The following PILRA variants were observed in gnomAD, a reference collection of about 807,000 sequenced individuals.
PILRA encodes paired immunoglobulin-like type 2 receptor alpha.
A neutral mutation model predicts 33.1 loss-of-function variants in PILRA; 37 were observed. The observed-to-expected ratio is 1.12, with a 90% confidence interval of 0.86 to 1.47. PILRA has a LOEUF of 1.47. Among genes scored for constraint, PILRA ranks in the 40% most tolerant of loss-of-function variants. PILRA has a pLI of 0.00. For missense variants in PILRA, 312 were observed against 376.2 expected (o/e 0.83, Z 1.41); for synonymous variants, 146 against 149.9 (o/e 0.97, Z 0.19).
rs757278876 is a variant in PILRA, at chr7:100,373,673, T to C, written c.17T>C (p.Leu6Pro). 6.2e-7 allele frequency: 1 copy of C among 1,613,416 alleles called. No homozygotes were observed. Among genetic ancestry groups the C allele is most frequent in the Admixed American group, 1.7e-5 (1 of 60,014 alleles). MGRPL[L>P]LPLLPLLLPP... ...AACAAGGCCATGGGTCGGCCCCTGC[T>C]GCTGCCCCTACTGCCCTTGCTGCTG... Residue 6 changes from leucine (L) to proline (P), a missense_variant, in exon 1 of 7, where the codon CTG becomes CCG. Coordinates refer to ENST00000198536, the MANE Select transcript of PILRA (RefSeq NM_013439.3).
chr7:100,397,774 C>G, intron 3 of PILRA, 105 bp from the exon 4 acceptor site: 1 of 1,216,370 alleles, frequency 8.2e-7, no homozygotes, highest in African/African-American at 1.5e-5. Context: ...CTCTGCTGCT[C>G]CGGTCCCTCT....
At chr7:100,372,528 A>G (rs1790842774), upstream of PILRA, among the ~76,000 whole-genome samples, 1 of 152,088 alleles carries the variant, frequency 6.6e-6, no homozygotes, top group African/African-American at 2.4e-5. Context: ...TGCACCACCA[A>G]AGCTCCCTGC....
intron 1 of PILRA, 54 bp from the exon 2 acceptor site, chr7:100,373,990 G>T (rs1328488336): frequency 5.7e-6 from 9 of 1,584,950 alleles, no homozygotes; most frequent in Admixed American, 5.2e-5. Context: ...CACCCTCTTT[G>T]TGTCTTGAGG....
At chr7:100,397,657 G>C (rs1191702412) in intron 3 of PILRA, among the ~76,000 whole-genome samples, 1 of 152,160 alleles carries the variant, frequency 6.6e-6, no homozygotes, top group East Asian at 1.9e-4. Context: ...GGGGGTCAGG[G>C]TGAAGGGGTC....
At chr7:100,372,347 A>C (rs1461245434), upstream of PILRA, among the ~76,000 whole-genome samples, 1 of 152,094 alleles carries the variant, frequency 6.6e-6, no homozygotes, top group Non-Finnish European at 1.5e-5. Context: ...AGAGGAGCCT[A>C]CTAGGACCAG....
chr7:100,383,434 G>A (rs111904024), intron 2 of PILRA, among the ~76,000 whole-genome samples: 2,663 of 152,258 alleles, frequency 0.017, 39 homozygotes, highest in Non-Finnish European at 0.028. Context: ...TTGGTAGAAC[G>A]TAATGGGGAG....
chr7:100,380,118 ACCAGAGGG>A (rs1791054690), intron 2 of PILRA, among the ~76,000 whole-genome samples: 1 of 152,110 alleles, frequency 6.6e-6, no homozygotes, highest in African/African-American at 2.4e-5. Flanking sequence ...GAATAGATGA[ACCAGAGGG>A]CCTCTGGGGG....
chr7:100,385,663 C>G (rs1791236520), intron 2 of PILRA, among the ~76,000 whole-genome samples: 1 of 151,908 alleles, frequency 6.6e-6, no homozygotes, highest in Non-Finnish European at 1.5e-5. Context: ...GAGTTTTGCT[C>G]TTGTTGCCCA....
chr7:100,391,510 A>C (rs1467137335), intron 3 of PILRA, among the ~76,000 whole-genome samples: 3 of 152,016 alleles, frequency 2.0e-5, no homozygotes, highest in Non-Finnish European at 4.4e-5. Flanking sequence ...AACTTTGCAA[A>C]ACCCCGTATC....
At chr7:100,395,428 T>C (rs1791474151) in intron 3 of PILRA, among the ~76,000 whole-genome samples, 1 of 152,206 alleles carries the variant, frequency 6.6e-6, no homozygotes, top group African/African-American at 2.4e-5. Flanking sequence ...GGCACCTTGA[T>C]CTTGGATTTC....
At chr7:100,385,711 C>A (rs979708109) in intron 2 of PILRA, among the ~76,000 whole-genome samples, 12 of 152,148 alleles carry the variant, frequency 7.9e-5, no homozygotes, top group Non-Finnish European at 1.6e-4. Flanking sequence ...CTCACTGCAA[C>A]CTCTGCCTCC....
intron 2 of PILRA, among the ~76,000 whole-genome samples, chr7:100,377,890 TG>T (rs1790991764): frequency 6.6e-6 from 1 of 152,252 alleles, no homozygotes; most frequent in Non-Finnish European, 1.5e-5. Flanking sequence ...ACATTAGGCC[TG>T]GTTTTAAAAT....
Position 100,399,847 on chromosome 7 carries a change from C to T in PILRA, c.852C>T (p.Pro284=). ...GCTCCACCTCACCCAGAGCACCTCC[C>T]AGCCACCGTCCCCTCAAGAGCCCCC... The part of the protein sequence containing the change: ...LSSSTSPRAP[P]SHRPLKSPQN... The change falls in exon 7 of 7, where the codon CCC becomes CCT. Residue 284 remains proline (P), a synonymous_variant. Coordinates refer to ENST00000198536, the MANE Select transcript of PILRA (RefSeq NM_013439.3). 2 of 1,613,754 alleles carry T rather than the reference C, an allele frequency of 1.2e-6. No individual in the cohort carries two copies. Among genetic ancestry groups the T allele is most frequent in the African/African-American group, 1.3e-5 (1 of 75,014 alleles).
chr7:100,378,437 G>GAAAAAC (rs1447040612), intron 2 of PILRA, among the ~76,000 whole-genome samples: 3 of 152,028 alleles, frequency 2.0e-5, no homozygotes, highest in Non-Finnish European at 2.9e-5. Context: ...TCCAGTTTAG[G>GAAAAAC]AAAAACAAAA....
chr7:100,396,034 G>A lies in PILRA; in HGVS notation c.674-1845G>A, dbSNP rs187924388. On this transcript the variant is annotated intron_variant, in intron 3 of 6. Coordinates refer to ENST00000198536, the MANE Select transcript of PILRA (RefSeq NM_013439.3). ...AGCTACTCAGGAGGCTGAGGCAGGAGAATCACTTGAACCCGGGAGGCAGAG... is the reference window on the plus strand; with the variant it reads ...AGCTACTCAGGAGGCTGAGGCAGGAAAATCACTTGAACCCGGGAGGCAGAG... 5.1e-4 allele frequency among the ~76,000 whole-genome samples: 77 copies of A among 152,260 alleles called. 3 individuals carry two copies. In the East Asian group the frequency reaches 0.015, roughly 29 times the overall value.
At chr7:100,380,608 C>G (rs993279800) in intron 2 of PILRA, among the ~76,000 whole-genome samples, 4 of 152,070 alleles carry the variant, frequency 2.6e-5, no homozygotes, top group African/African-American at 7.2e-5. Context: ...CCAGCCTGGG[C>G]AACATAGCAA....
At position 100,383,813 on chromosome 7, in the gene PILRA, T is replaced by G. The variant is rs1791182096; in HGVS notation, c.455-6075T>G. ...CACCACACCCGGCTAATTTTTATGT[T>G]TTTAGTAGAGACAGGGTTTCACCAT... On this transcript the variant is annotated intron_variant, in intron 2 of 6. Coordinates refer to ENST00000198536, the MANE Select transcript of PILRA (RefSeq NM_013439.3). Among the ~76,000 whole-genome samples the G allele has an allele frequency of 2.6e-5, 4 of 151,962 alleles. No homozygotes were observed. In the South Asian group the frequency reaches 8.3e-4, roughly 32 times the overall value.
Position 100,373,630 on chromosome 7 carries a change from C to G in PILRA, c.-27C>G. Reference sequence around the variant, plus strand: ...CCTGCCTGGACGGCTCTGCTGGTCTCCCCGTCCCCTGGAGAAGAACAAGGC... The same window carrying G: ...CCTGCCTGGACGGCTCTGCTGGTCTGCCCGTCCCCTGGAGAAGAACAAGGC... On this transcript the variant is annotated 5_prime_UTR_variant, in exon 1 of 7. Coordinates refer to ENST00000198536, the MANE Select transcript of PILRA (RefSeq NM_013439.3). The G allele has an allele frequency of 6.2e-7, 1 of 1,613,174 alleles. No individual in the cohort carries two copies. The highest frequency in any genetic ancestry group is 1.3e-5 in the African/African-American group (1 of 75,040).
At chr7:100,398,106 C>A (rs150300621) in intron 4 of PILRA, among the ~76,000 whole-genome samples, 194 bp downstream of exon 4, 7 of 152,272 alleles carry the variant, frequency 4.6e-5, no homozygotes, top group African/African-American at 1.2e-4. Flanking sequence ...GCTTTCTGTC[C>A]CCTAAATACT....
Sources: gnomAD v4.1 joint callset for allele counts (sites outside exome capture counted in the v4.1 genomes callset) on GRCh38, gnomAD v4.1.1 for gene constraint, MANE v1.5 for transcripts, NCBI Gene and HGNC (gene_info 2026-07-23, HGNC 2026-07-21) for gene names.